Variants in UBAP2L observed in about 807,000 individuals in gnomAD.
The protein encoded by UBAP2L is ubiquitin-associated protein 2-like.
In UBAP2L, 12 loss-of-function variants were observed where a neutral mutation model predicts 130.6. That is an observed-to-expected ratio of 0.09 (90% CI 0.06 to 0.15). The LOEUF is 0.15. UBAP2L is among the 10% of genes least tolerant of loss of function. The pLI is 1.00. For missense variants in UBAP2L, 965 were observed against 1,332.5 expected (o/e 0.72, Z 4.29); for synonymous variants, 503 against 524.7 (o/e 0.96, Z 0.57).
In UBAP2L at chr1:154,245,848, G is replaced by A. The variant is rs192047984; in HGVS notation, c.843-356G>A. On this transcript the variant is annotated intron_variant, in intron 10 of 26. Coordinates refer to ENST00000428931, the MANE Select transcript of UBAP2L (RefSeq NM_014847.4). ...GAGAATGGCGTGAACCCAGGAGGCA[G>A]AGCTAGCAGTGAGCCAAGATTGCAC... 3.5e-3 allele frequency among the ~76,000 whole-genome samples: 540 copies of A among 152,304 alleles called. 5 individuals are homozygous for A. The highest frequency in any genetic ancestry group is 0.012 in the African/African-American group (507 of 41,578).
chr1:154,263,192 T>C, intron 24 of UBAP2L: 1 of 1,550,516 alleles, frequency 6.4e-7, no homozygotes, highest in Non-Finnish European at 8.7e-7. Context: ...TGTGTGTGTA[T>C]AAATTTGCAC....
chr1:154,222,415 C>T (rs1042834428), intron 1 of UBAP2L, among the ~76,000 whole-genome samples: 27 of 152,214 alleles, frequency 1.8e-4, no homozygotes, highest in African/African-American at 2.4e-5. Context: ...TGAGATCTGA[C>T]ACCATTGTCC....
At chr1:154,257,651 C>A (rs978152723) in intron 20 of UBAP2L, 90 of 573,660 alleles carry the variant, frequency 1.6e-4, no homozygotes, top group Non-Finnish European at 2.7e-4. Context: ...CATATATAAA[C>A]AGCGTGCAGT....
chr1:154,251,474 T>G lies in UBAP2L; in HGVS notation c.1492-7T>G. 6.2e-7 allele frequency: 1 copy of G among 1,612,848 alleles called. No individual in the cohort carries two copies. The highest frequency in any genetic ancestry group is 1.1e-5 in the South Asian group (1 of 90,940). ...CCATTACTTTCTCTTCTCCTTCAAC[T>G]TTATAGATTCCTGCTCTGGCTGTGG... On this transcript the variant is annotated splice_polypyrimidine_tract_variant and splice_region_variant and intron_variant, in intron 13 of 26. Transcript: ENST00000428931.
chr1:154,233,145 C>T (rs915477402), intron 4 of UBAP2L, among the ~76,000 whole-genome samples: 1 of 151,932 alleles, frequency 6.6e-6, no homozygotes, highest in South Asian at 2.1e-4. Context: ...TCCCGAGTAG[C>T]GGGGATTACA....
In UBAP2L at chr1:154,255,155, C is replaced by T. The variant is rs776072958; in HGVS notation, c.1913C>T (p.Ala638Val). The change falls in exon 17 of 27, where the codon GCT becomes GTT. Residue 638 changes from alanine to valine, a missense_variant. By Grantham distance (64) the Ala-to-Val change is moderately conservative. This residue lies in a region of UBAP2L where 393 missense variants were observed against 408.1 expected (regional missense o/e 0.96). Transcript: ENST00000428931. Reference sequence around the variant, plus strand: ...TTCCTTTCTTCTAAATTTCTAGGTGCTACAGGCTCTGCAGTGAAATCTGAT... The same window carrying T: ...TTCCTTTCTTCTAAATTTCTAGGTGTTACAGGCTCTGCAGTGAAATCTGAT... ...QLQTTQSVEG[A>V]TGSAVKSDSP... 1.2e-6 allele frequency: 2 copies of T among 1,613,860 alleles called. No individual in the cohort carries two copies. The highest frequency in any genetic ancestry group is 2.2e-5 in the South Asian group (2 of 91,066).
chr1:154,249,389 T>C lies in UBAP2L; in HGVS notation c.1165T>C (p.Ser389Pro). 6.2e-7 allele frequency: 1 copy of C among 1,614,184 alleles called. No homozygotes were observed. Among genetic ancestry groups the C allele is most frequent in the Non-Finnish European group, 8.5e-7 (1 of 1,180,032 alleles). The change falls in exon 12 of 27, where the codon TCT becomes CCT. Residue 389 changes from serine to proline, a missense_variant. By Grantham distance (74) the Ser-to-Pro change is moderately conservative. Coordinates refer to ENST00000428931, the MANE Select transcript of UBAP2L (RefSeq NM_014847.4). ...TCAGTCTGGAAGCACCACCACCTCCTCTTGGGACATGGGCTCGACGACACA... is the reference window on the plus strand; with the variant it reads ...TCAGTCTGGAAGCACCACCACCTCCCCTTGGGACATGGGCTCGACGACACA... ...HSQSGSTTTS[S>P]WDMGSTTQSP...
rs1242538583 is a variant in UBAP2L, at chr1:154,241,475, A to C, written c.704-38A>C. On this transcript the variant is annotated intron_variant, in intron 8 of 26. Coordinates refer to ENST00000428931, the MANE Select transcript of UBAP2L (RefSeq NM_014847.4). ...CTATACATGCTTTGTACTGGCATTT[A>C]ATAGTGAAGTTACTTCACTATTTTT... 6 of 1,599,598 alleles carry C rather than the reference A, an allele frequency of 3.8e-6. No individual in the cohort carries two copies. The Admixed American group carries it at 1.0e-4, about 27-fold the overall frequency.
At chr1:154,256,978 C>G in intron 18 of UBAP2L, 85 bp from the exon 19 acceptor site, 2 of 1,465,106 alleles carry the variant, frequency 1.4e-6, no homozygotes, top group South Asian at 2.6e-5. Flanking sequence ...ATAATATATT[C>G]AGCAGGAGGG....
rs199985692 is a variant in UBAP2L at position 154,257,053 on chromosome 1, C to T, written c.2158-10C>T. 6.2e-7 allele frequency: 1 copy of T among 1,610,612 alleles called. No individual in the cohort carries two copies. Among genetic ancestry groups the T allele is most frequent in the East Asian group, 2.2e-5 (1 of 44,850 alleles). ...TCTTCTTCTCTCTTCCACTGCTCCCCCTTTTGAAGCACACAAGTGTGGAGA... is the reference window on the plus strand; with the variant it reads ...TCTTCTTCTCTCTTCCACTGCTCCCTCTTTTGAAGCACACAAGTGTGGAGA... On this transcript the variant is annotated splice_polypyrimidine_tract_variant and intron_variant, in intron 18 of 26. Coordinates refer to ENST00000428931, the MANE Select transcript of UBAP2L (RefSeq NM_014847.4).
At chr1:154,249,918 T>C (rs578059218) in intron 12 of UBAP2L, among the ~76,000 whole-genome samples, 2 of 151,454 alleles carry the variant, frequency 1.3e-5, no homozygotes, top group South Asian at 4.2e-4. Context: ...TGCAGTCTTC[T>C]GTTGATTGGG....
chr1:154,267,906 T>TTTTTTTTTTTTTTTTTTTTTTTTG (rs1683806354), intron 25 of UBAP2L, among the ~76,000 whole-genome samples: 2 of 135,896 alleles, frequency 1.5e-5, no homozygotes, highest in Non-Finnish European at 1.6e-5. Context: ...TTTTTTTTTT[T>TTTTTTTTTTTTTTTTTTTTTTTTG]GAGACGGAGT....
upstream of UBAP2L, chr1:154,220,517 T>C: frequency 2.4e-6 from 3 of 1,242,896 alleles, no homozygotes; most frequent in Non-Finnish European, 3.5e-6. Context: ...TCCCCGGCCA[T>C]TTCCTTACGG....
intron 17 of UBAP2L, 39 bp downstream of exon 17, chr1:154,255,365 A>T: frequency 6.2e-7 from 1 of 1,605,898 alleles, no homozygotes; most frequent in Non-Finnish European, 8.5e-7. Context: ...GTTGGTGAAT[A>T]GCAATAACAG....
intron 20 of UBAP2L, chr1:154,257,680 T>G (rs1680092707): frequency 2.1e-6 from 1 of 476,232 alleles, no homozygotes; most frequent in Non-Finnish European, 3.7e-6. Context: ...GTGTTAAGGG[T>G]CAACTGTAAT....
At position 154,270,509 on chromosome 1, in the gene UBAP2L, T is replaced by C. The variant is rs1453030324; in HGVS notation, c.*214T>C. The C allele has an allele frequency of 4.1e-6, 6 of 1,451,620 alleles. No individual in the cohort carries two copies. Among genetic ancestry groups the C allele is most frequent in the East Asian group, 5.0e-5 (2 of 39,740 alleles). 89.9% of individuals were successfully genotyped at this position (1,451,620 alleles called of 1,614,324 possible). On this transcript the variant is annotated 3_prime_UTR_variant, in exon 27 of 27. Transcript: ENST00000428931. ...AGGATTTGTATTTTCTCCTTTTTTTTCCCCCTTCCATTCCTTCTCCCCTCT... is the reference window on the plus strand; with the variant it reads ...AGGATTTGTATTTTCTCCTTTTTTTCCCCCCTTCCATTCCTTCTCCCCTCT...
intron 2 of UBAP2L, among the ~76,000 whole-genome samples, chr1:154,226,954 C>T (rs1668142256): frequency 6.6e-6 from 1 of 152,120 alleles, no homozygotes; most frequent in Admixed American, 6.5e-5. Context: ...TCCCGAGTAG[C>T]TGGACCTACA....
intron 5 of UBAP2L, 96 bp downstream of exon 5, chr1:154,234,855 T>C: frequency 1.3e-6 from 2 of 1,495,612 alleles, no homozygotes; most frequent in Non-Finnish European, 1.8e-6. Context: ...TAGGAACCAT[T>C]ATATTATCCT....
chr1:154,231,094 G>A (rs1669693148), intron 4 of UBAP2L, among the ~76,000 whole-genome samples: 1 of 152,086 alleles, frequency 6.6e-6, no homozygotes, highest in African/African-American at 2.4e-5. Flanking sequence ...GGAAGAGTAG[G>A]CAGCAACAAA....
Sources: gnomAD v4.1 joint callset for allele counts (sites outside exome capture counted in the v4.1 genomes callset) on GRCh38, gnomAD v4.1.1 for gene constraint, gnomAD v4.1.1 regional missense constraint, MANE v1.5 for transcripts, NCBI Gene and HGNC (gene_info 2026-07-23, HGNC 2026-07-21) for gene names.